Variants in ATAD2B observed in about 807,000 individuals in gnomAD.
ATAD2B encodes ATPase family AAA domain containing 2B, also known as ATPase family AAA domain-containing protein 2B.
In ATAD2B, 40 loss-of-function variants were observed where a neutral mutation model predicts 167.6. The observed-to-expected ratio is 0.24, with a 90% CI of 0.19 to 0.31. The LOEUF (loss-of-function observed/expected upper bound fraction) is 0.31, where lower values mean the gene tolerates loss of function less well. ATAD2B is among the 10% of genes least tolerant of loss of function. The pLI, the probability that ATAD2B is intolerant of heterozygous loss-of-function variation, is 1.00. For missense variants in ATAD2B, 1,242 were observed against 1,757.2 expected (o/e 0.71, Z 5.24); for synonymous variants, 579 against 596.5 (o/e 0.97, Z 0.43).
chr2:23,780,472 G>C (rs1679855398), intron 22 of ATAD2B, among the ~76,000 whole-genome samples: 1 of 152,090 alleles, frequency 6.6e-6, no homozygotes, highest in Non-Finnish European at 1.5e-5. Flanking sequence ...TGCAGTTTTT[G>C]CAATTATAGA....
At chr2:23,802,369 A>C (rs1046699047) in intron 18 of ATAD2B, among the ~76,000 whole-genome samples, 1 of 151,980 alleles carries the variant, frequency 6.6e-6, no homozygotes, top group Non-Finnish European at 1.5e-5. Context: ...TTTATTGAGA[A>C]TCTCTTGTGA....
At chr2:23,925,098 T>A (rs1704523220) in intron 1 of ATAD2B, among the ~76,000 whole-genome samples, 1 of 152,222 alleles carries the variant, frequency 6.6e-6, no homozygotes, top group African/African-American at 2.4e-5. Flanking sequence ...TGAGTTTTAT[T>A]TTAAAATATG....
intron 18 of ATAD2B, chr2:23,800,102 A>G (rs1381133818): frequency 6.7e-6 from 1 of 149,746 alleles, no homozygotes; most frequent in Non-Finnish European, 1.5e-5. Context: ...AAAAAAAATT[A>G]CATGCCACCC....
At chr2:23,924,528 T>G (rs1255055792) in intron 1 of ATAD2B, among the ~76,000 whole-genome samples, 1 of 152,130 alleles carries the variant, frequency 6.6e-6, no homozygotes, top group African/African-American at 2.4e-5. Context: ...GAATTATAAT[T>G]TATCCTCTTC....
intron 1 of ATAD2B, among the ~76,000 whole-genome samples, chr2:23,912,974 T>C (rs944440808): frequency 6.6e-5 from 10 of 152,054 alleles, no homozygotes; most frequent in African/African-American, 2.4e-4. Context: ...CTAGCCTGGG[T>C]GACAGGGCAA....
chr2:23,775,466 C>T (rs1204770868), intron 22 of ATAD2B, among the ~76,000 whole-genome samples: 1 of 152,102 alleles, frequency 6.6e-6, no homozygotes, highest in Non-Finnish European at 1.5e-5. Flanking sequence ...CCCGCCTTGG[C>T]CTCTCAAAGT....
intron 18 of ATAD2B, chr2:23,806,113 T>C (rs1284525016): frequency 6.6e-6 from 1 of 152,232 alleles, no homozygotes; most frequent in Non-Finnish European, 1.5e-5. Flanking sequence ...TTATGTTTTC[T>C]AGTTTTTGTG....
At chr2:23,693,570 G>A in the ATAD2B span, 25 of 1,531,460 alleles carry the variant, frequency 1.6e-5, no homozygotes. Flanking sequence ...TCTGGGTTTG[G>A]GGTCCCCCTG....
intron 13 of ATAD2B, among the ~76,000 whole-genome samples, chr2:23,848,106 T>C (rs536024437): frequency 3.3e-5 from 5 of 151,866 alleles, no homozygotes; most frequent in South Asian, 2.1e-4. Context: ...ACTGGAAATA[T>C]GAACATCTAC....
the ATAD2B span, chr2:23,693,418 G>A: frequency 4.3e-5 from 66 of 1,551,620 alleles, no homozygotes; most frequent in Non-Finnish European, 5.7e-5. Context: ...CATCTCCAAG[G>A]ACGACTTCAT....
At chr2:23,734,951 T>C in the ATAD2B span, among the ~76,000 whole-genome samples, 1 of 152,228 alleles carries the variant, frequency 6.6e-6, no homozygotes, top group African/African-American at 2.4e-5. Context: ...CTTTGTAACT[T>C]CAGTGTCTAT....
At chr2:23,821,201 A>G (rs1687391827) in intron 16 of ATAD2B, among the ~76,000 whole-genome samples, 1 of 152,224 alleles carries the variant, frequency 6.6e-6, no homozygotes, top group Admixed American at 6.5e-5. Flanking sequence ...CATACTTTAT[A>G]TTTACACACA....
intron 8 of ATAD2B, 48 bp downstream of exon 8, chr2:23,875,781 G>T: frequency 8.2e-7 from 1 of 1,214,536 alleles, no homozygotes. Context: ...GACACAATTA[G>T]TCTCTCATTG....
intron 1 of ATAD2B, among the ~76,000 whole-genome samples, chr2:23,918,834 A>G (rs1703459395): frequency 6.6e-6 from 1 of 152,202 alleles, no homozygotes; most frequent in Admixed American, 6.5e-5. Context: ...CTAGATTTAA[A>G]TATTACCTTT....
chr2:23,703,949 T>C, the ATAD2B span: 1 of 1,399,568 alleles, frequency 7.1e-7, no homozygotes, highest in Non-Finnish European at 9.5e-7. Flanking sequence ...CTGCCATCAG[T>C]GACCATAGCA....
chr2:23,733,079 G>A, the ATAD2B span, among the ~76,000 whole-genome samples: 9 of 152,128 alleles, frequency 5.9e-5, no homozygotes, highest in Non-Finnish European at 8.8e-5. Flanking sequence ...AGTGTTAGTC[G>A]CTATCATTAT....
intron 16 of ATAD2B, among the ~76,000 whole-genome samples, chr2:23,822,841 C>A (rs1160143120): frequency 7.6e-6 from 1 of 130,936 alleles, no homozygotes; most frequent in East Asian, 2.6e-4. Context: ...TCGCTGTACC[C>A]GGGAGGCGGA....
chr2:23,766,797 A>G (rs1677477011), intron 22 of ATAD2B, among the ~76,000 whole-genome samples: 1 of 152,176 alleles, frequency 6.6e-6, no homozygotes, highest in Non-Finnish European at 1.5e-5. Context: ...AAGAAAACCT[A>G]CAGGGTACTG....
chr2:23,831,521 T>C (rs1247257735), intron 14 of ATAD2B, among the ~76,000 whole-genome samples: 1 of 152,110 alleles, frequency 6.6e-6, no homozygotes, highest in African/African-American at 2.4e-5. Flanking sequence ...CCCTAGGCCG[T>C]TCATTATGCC....
Sources: allele counts gnomAD v4.1 joint callset (sites outside exome capture counted in the v4.1 genomes callset), GRCh38; gene constraint gnomAD v4.1.1; transcripts MANE v1.5; gene names NCBI Gene and HGNC (gene_info 2026-07-23, HGNC 2026-07-21).